Variants in ALDH7A1 observed in about 807,000 individuals in gnomAD.
ALDH7A1 encodes the protein alpha-aminoadipic semialdehyde dehydrogenase.
Under a neutral mutation model 79.9 loss-of-function variants are expected in ALDH7A1, and 63 were observed. The ratio of observed to expected loss-of-function variants is 0.79; its 90% CI spans 0.64 to 0.97. The LOEUF is 0.97. ALDH7A1 is among the 50% of genes least tolerant of loss of function. The probability of loss-of-function intolerance (pLI) is 0.00; values close to 1 mark genes in which losing one functional copy is unlikely to be tolerated. For synonymous variants in ALDH7A1, 240 were observed against 231.2 expected, an observed-to-expected ratio of 1.04 and a Z score of -0.34; for missense variants, 627 against 665.2, an observed-to-expected ratio of 0.94 and a Z score of 0.63.
chr5:126,550,121 C>G, intron 15 of ALDH7A1, 75 bp downstream of exon 15: 2 of 1,533,002 alleles, frequency 1.3e-6, no homozygotes, highest in Non-Finnish European at 1.8e-6. Flanking sequence ...TGATTTTAGA[C>G]TACAGCAGTT....
At chr5:126,557,072 T>C (rs1025076177) in intron 11 of ALDH7A1, among the ~76,000 whole-genome samples, 2 of 152,228 alleles carry the variant, frequency 1.3e-5, no homozygotes, top group Non-Finnish European at 2.9e-5. Flanking sequence ...TTGGCTTTTA[T>C]GTCATTTCAT....
intron 3 of ALDH7A1, 49 bp from the exon 4 acceptor site, chr5:126,584,061 GTTTATAACACAGTA>G: frequency 6.9e-7 from 1 of 1,443,004 alleles, no homozygotes; most frequent in South Asian, 1.1e-5. Flanking sequence ...ATAAATTCAT[GTTTATAACACAGTA>G]TTGGATGTGT....
chr5:126,575,753 A>G (rs886218472), intron 6 of ALDH7A1, among the ~76,000 whole-genome samples: 1 of 152,238 alleles, frequency 6.6e-6, no homozygotes, highest in Admixed American at 6.5e-5. Context: ...AGTTATAGGA[A>G]CTGAGTGAAG....
At chr5:126,549,746 G>A in intron 16 of ALDH7A1, 183 bp downstream of exon 16, 1 of 663,456 alleles carries the variant, frequency 1.5e-6, no homozygotes, top group African/African-American at 1.8e-5. Flanking sequence ...CTGAGGAGAT[G>A]ACGCAGGACT....
chr5:126,591,666 G>A (rs542956211), intron 3 of ALDH7A1, among the ~76,000 whole-genome samples: 2 of 152,230 alleles, frequency 1.3e-5, no homozygotes, highest in South Asian at 4.1e-4. Context: ...ACAAGACAAA[G>A]CACACTGAGG....
At chr5:126,574,856 A>G (rs1485797855) in intron 7 of ALDH7A1, among the ~76,000 whole-genome samples, 1 of 152,146 alleles carries the variant, frequency 6.6e-6, no homozygotes, top group Non-Finnish European at 1.5e-5. Context: ...AGGCACCCTA[A>G]CTCTATACAT....
intron 17 of ALDH7A1, among the ~76,000 whole-genome samples, chr5:126,546,039 G>A (rs1250394829): frequency 6.6e-6 from 1 of 152,108 alleles, no homozygotes; most frequent in Non-Finnish European, 1.5e-5. Flanking sequence ...CCTGAGGTCG[G>A]GAGTTCGAGA....
intron 13 of ALDH7A1, among the ~76,000 whole-genome samples, chr5:126,553,654 T>G (rs555166588): frequency 6.6e-6 from 1 of 151,472 alleles, no homozygotes; most frequent in East Asian, 2.0e-4. Flanking sequence ...GAGGTTGCAG[T>G]GAGCTGAGAT....
At chr5:126,562,078 T>A (rs1229976963) in intron 9 of ALDH7A1, 1 of 152,180 alleles carries the variant, frequency 6.6e-6, no homozygotes, top group Non-Finnish European at 1.5e-5. Context: ...TGTACACCAA[T>A]ATTCATAGTA....
intron 1 of ALDH7A1, chr5:126,594,160 G>C (rs765078104): frequency 4.3e-6 from 2 of 469,782 alleles, no homozygotes; most frequent in Non-Finnish European, 8.8e-6. Flanking sequence ...GGTATCAGGC[G>C]CGGTGTTAAG....
At chr5:126,563,734 G>A (rs113889584) in intron 9 of ALDH7A1, among the ~76,000 whole-genome samples, 2,683 of 151,992 alleles carry the variant, frequency 0.018, 83 homozygotes, top group African/African-American at 0.061. Context: ...CGGGTGATCC[G>A]CCCGCCTCAG....
rs1177457629 is a variant in ALDH7A1 at position 126,542,852 on chromosome 5, C to T, written c.*2113G>A. 3.9e-5 allele frequency: 6 copies of T among 152,212 alleles called. No individual in the cohort carries two copies. Among genetic ancestry groups the T allele is most frequent in the African/African-American group, 1.4e-4 (6 of 41,442 alleles). 9.4% of individuals were successfully genotyped at this position (152,212 alleles called of 1,614,324 possible). ...TCACTGCTGCAGCCAGGAGCCAGGT[C>T]TTCACCCACTTCCCAGGGAGTCACA... On this transcript the variant is annotated 3_prime_UTR_variant, in exon 18 of 18. Coordinates refer to ENST00000409134, the MANE Select transcript of ALDH7A1 (RefSeq NM_001182.5).
At chr5:126,574,848 G>C (rs946575231) in intron 7 of ALDH7A1, among the ~76,000 whole-genome samples, 4 of 152,056 alleles carry the variant, frequency 2.6e-5, no homozygotes, top group Non-Finnish European at 2.9e-5. Flanking sequence ...ACATGGGAAG[G>C]CACCCTAACT....
intron 9 of ALDH7A1, among the ~76,000 whole-genome samples, chr5:126,567,355 T>A (rs919019838): frequency 6.6e-6 from 1 of 152,232 alleles, no homozygotes; most frequent in Non-Finnish European, 1.5e-5. Flanking sequence ...AAAATGGCCT[T>A]ACTAAATAAA....
At chr5:126,589,557 G>C (rs1751471376) in intron 3 of ALDH7A1, among the ~76,000 whole-genome samples, 1 of 152,054 alleles carries the variant, frequency 6.6e-6, no homozygotes, top group Admixed American at 6.5e-5. Flanking sequence ...AAGGTGGGTG[G>C]ATCACGAGTT....
At chr5:126,584,745 G>A (rs1172081324) in intron 3 of ALDH7A1, among the ~76,000 whole-genome samples, 9 of 147,104 alleles carry the variant, frequency 6.1e-5, no homozygotes, top group African/African-American at 2.3e-4. Context: ...AGAATTGACA[G>A]GACACACAGA....
intron 11 of ALDH7A1, 120 bp from the exon 12 acceptor site, chr5:126,556,135 G>T: frequency 2.0e-6 from 1 of 491,650 alleles, no homozygotes; most frequent in Non-Finnish European, 3.4e-6. Flanking sequence ...GAAAATCAAA[G>T]CATGTTTATT....
intron 16 of ALDH7A1, among the ~76,000 whole-genome samples, chr5:126,546,866 T>C (rs749054130): frequency 1.3e-5 from 2 of 152,152 alleles, no homozygotes; most frequent in Non-Finnish European, 2.9e-5. Flanking sequence ...TAAGAAAATA[T>C]AACAATTTTG....
At chr5:126,559,492 A>G in intron 10 of ALDH7A1, 158 bp from the exon 11 acceptor site, 1 of 583,244 alleles carries the variant, frequency 1.7e-6, no homozygotes, top group Non-Finnish European at 3.1e-6. Flanking sequence ...ATGGAGTGCA[A>G]TGGCACGATC....
Sources: allele counts gnomAD v4.1 joint callset (sites outside exome capture counted in the v4.1 genomes callset), GRCh38; gene constraint gnomAD v4.1.1; transcripts MANE v1.5; gene names NCBI Gene and HGNC (gene_info 2026-07-23, HGNC 2026-07-21).